The following SPIDR variants were observed in gnomAD, a reference collection of about 807,000 sequenced individuals.
SPIDR encodes DNA repair-scaffolding protein.
SPIDR carries 93 observed loss-of-function variants against 104.6 expected under a neutral mutation model. That is an observed-to-expected ratio of 0.89 (90% confidence interval 0.75 to 1.06). The LOEUF (loss-of-function observed/expected upper bound fraction) is 1.06, where lower values mean the gene tolerates loss of function less well. Ranked by LOEUF, SPIDR falls within the 50% of genes least tolerant of loss-of-function variation. The pLI is 0.00. For missense variants in SPIDR, 1,154 were observed against 1,111.2 expected, an observed-to-expected ratio of 1.04 and a Z score of -0.55; for synonymous variants, 431 against 416.9, an observed-to-expected ratio of 1.03 and a Z score of -0.41.
At chr8:47,325,702 T>G (rs1221550197) in intron 5 of SPIDR, among the ~76,000 whole-genome samples, 1 of 152,180 alleles carries the variant, frequency 6.6e-6, no homozygotes, top group Admixed American at 6.5e-5. Flanking sequence ...GCTTCAACAT[T>G]CGAGACAGAG....
chr8:47,353,717 T>G (rs1335622831), intron 5 of SPIDR, among the ~76,000 whole-genome samples: 4 of 152,192 alleles, frequency 2.6e-5, no homozygotes, highest in Non-Finnish European at 5.9e-5. Context: ...GATTTTTTTT[T>G]TTTTTTTAGT....
At chr8:47,347,053 C>T (rs782480823) in intron 5 of SPIDR, among the ~76,000 whole-genome samples, 1 of 152,024 alleles carries the variant, frequency 6.6e-6, no homozygotes, top group Non-Finnish European at 1.5e-5. Context: ...GTTAGGGTGT[C>T]GATTTTAGAT....
chr8:47,662,396 G>A (rs2074262255), intron 10 of SPIDR, among the ~76,000 whole-genome samples: 1 of 152,116 alleles, frequency 6.6e-6, no homozygotes. Context: ...CTTAATTTTA[G>A]TTACTAGTTT....
chr8:47,279,958 T>C lies in SPIDR; in HGVS notation c.130T>C (p.Ser44Pro). ...AGLRTAGAAA[S>P]LSEAWLRCGE... ...TCTCAGGACAGCAGGGGCAGCTGCCTCTCTCTCTGAAGCATGGCTCAGGTG... is the reference window on the plus strand; with the variant it reads ...TCTCAGGACAGCAGGGGCAGCTGCCCCTCTCTCTGAAGCATGGCTCAGGTG... Residue 44 changes from serine to proline, a missense_variant, in exon 2 of 20, where the codon TCT (serine) becomes CCT (proline). Coordinates refer to ENST00000297423, the MANE Select transcript of SPIDR (RefSeq NM_001080394.4). The C allele has an allele frequency of 6.2e-7, 1 of 1,613,862 alleles. No homozygotes were observed. The highest frequency in any genetic ancestry group is 8.5e-7 in the Non-Finnish European group (1 of 1,179,782).
chr8:47,703,298 G>A (rs577198445), intron 14 of SPIDR, among the ~76,000 whole-genome samples: 8 of 152,098 alleles, frequency 5.3e-5, no homozygotes, highest in African/African-American at 1.9e-4. Flanking sequence ...ATCATTCTTC[G>A]ACAGTGGAAG....
At position 47,417,312 on chromosome 8, in the gene SPIDR, C is replaced by T. The variant is rs371667548; in HGVS notation, c.877+9351C>T. 1.7e-3 allele frequency among the ~76,000 whole-genome samples: 260 copies of T among 152,260 alleles called. 1 individual carries two copies. Among genetic ancestry groups the T allele is most frequent in the African/African-American group, 5.3e-3 (222 of 41,554 alleles). On this transcript the variant is annotated intron_variant, in intron 7 of 19. Transcript: ENST00000297423. ...TGTTGTTTCCTGACTTTTTAATGATCGCCATTCTAACTGGTGTGACATGGT... is the reference window on the plus strand; with the variant it reads ...TGTTGTTTCCTGACTTTTTAATGATTGCCATTCTAACTGGTGTGACATGGT...
intron 5 of SPIDR, among the ~76,000 whole-genome samples, chr8:47,384,416 A>G (rs1452960309): frequency 6.6e-6 from 1 of 152,216 alleles, no homozygotes; most frequent in Non-Finnish European, 1.5e-5. Context: ...AAAAGTTGGA[A>G]ATATTATTAG....
intron 7 of SPIDR, among the ~76,000 whole-genome samples, chr8:47,425,029 C>A (rs1218161374): frequency 6.6e-6 from 1 of 152,104 alleles, no homozygotes; most frequent in South Asian, 2.1e-4. Context: ...AGATCACTTC[C>A]GTTAGCTAAT....
At chr8:47,601,335 G>A (rs2062252016) in intron 10 of SPIDR, among the ~76,000 whole-genome samples, 1 of 152,188 alleles carries the variant, frequency 6.6e-6, no homozygotes, top group East Asian at 1.9e-4. Flanking sequence ...GACACAGGTA[G>A]ACACAAAGAA....
chr8:47,454,049 C>T (rs1292695489), intron 8 of SPIDR, among the ~76,000 whole-genome samples: 1 of 152,176 alleles, frequency 6.6e-6, no homozygotes, highest in Non-Finnish European at 1.5e-5. Context: ...CTGGTTCAAC[C>T]ATTGTGGAAG....
At chr8:47,650,631 A>G (rs1378656182) in intron 10 of SPIDR, among the ~76,000 whole-genome samples, 2 of 152,208 alleles carry the variant, frequency 1.3e-5, no homozygotes, top group Non-Finnish European at 2.9e-5. Flanking sequence ...GCACCAAAAA[A>G]GAGCCTGAAT....
intron 5 of SPIDR, among the ~76,000 whole-genome samples, chr8:47,354,789 G>C (rs1053736537): frequency 1.3e-5 from 2 of 148,660 alleles, no homozygotes; most frequent in African/African-American, 2.5e-5. Flanking sequence ...CTGTAGGCAC[G>C]TACCACCATG....
chr8:47,610,617 G>T (rs1173860699), intron 10 of SPIDR, among the ~76,000 whole-genome samples: 1 of 152,206 alleles, frequency 6.6e-6, no homozygotes, highest in Admixed American at 6.5e-5. Flanking sequence ...CACCCTTGTT[G>T]TGCTGATTTC....
At chr8:47,397,882 C>T (rs1164327608) in intron 6 of SPIDR, among the ~76,000 whole-genome samples, 1 of 152,026 alleles carries the variant, frequency 6.6e-6, no homozygotes, top group Non-Finnish European at 1.5e-5. Context: ...CAGTGGGGGT[C>T]CGAATAAACA....
intron 1 of SPIDR, among the ~76,000 whole-genome samples, chr8:47,276,572 A>C (rs981467074): frequency 1.3e-5 from 2 of 152,234 alleles, no homozygotes; most frequent in Non-Finnish European, 2.9e-5. Context: ...AAAATAAAAA[A>C]CTGAAGAAAA....
chr8:47,593,183 G>C (rs545863075), intron 8 of SPIDR, among the ~76,000 whole-genome samples: 3 of 152,052 alleles, frequency 2.0e-5, no homozygotes, highest in Non-Finnish European at 2.9e-5. Context: ...ACCATGCCCA[G>C]CCAGGTTTTT....
Position 47,313,541 on chromosome 8 carries a change from T to G in SPIDR, c.525+19511T>G, listed in dbSNP as rs587724627. ...CCCATCAAGCTACCAATGACTCTCT[T>G]CACAGAATTGGAAAAAACTACTTTA... On this transcript the variant is annotated intron_variant, in intron 5 of 19. Coordinates refer to ENST00000297423, the MANE Select transcript of SPIDR (RefSeq NM_001080394.4). Among the ~76,000 whole-genome samples, 3 of 152,284 alleles carry G rather than the reference T, an allele frequency of 2.0e-5. No individual in the cohort carries two copies. In the East Asian group the frequency reaches 5.8e-4, roughly 29 times the overall value.
intron 5 of SPIDR, among the ~76,000 whole-genome samples, chr8:47,298,144 G>A (rs1418767911): frequency 0.018 from 2,755 of 152,180 alleles, 83 homozygotes; most frequent in African/African-American, 0.064. Context: ...TTTAATGATT[G>A]CCATTCTAAC....
At chr8:47,384,375 T>A (rs1352016436) in intron 5 of SPIDR, among the ~76,000 whole-genome samples, 2 of 152,366 alleles carry the variant, frequency 1.3e-5, no homozygotes, top group Admixed American at 6.5e-5. Context: ...GCTTTTGTGT[T>A]ACGTAAGACT....
Sources: allele counts gnomAD v4.1 joint callset (sites outside exome capture counted in the v4.1 genomes callset), GRCh38; gene constraint gnomAD v4.1.1; transcripts MANE v1.5; gene names NCBI Gene and HGNC (gene_info 2026-07-23, HGNC 2026-07-21).